The following PRR16 variants were observed in gnomAD, a reference collection of about 807,000 sequenced individuals.
PRR16 encodes protein Largen.
In PRR16, 6 loss-of-function variants were observed where a neutral mutation model predicts 18.2. The ratio of observed to expected loss-of-function variants is 0.33; its 90% CI spans 0.18 to 0.65. The LOEUF (loss-of-function observed/expected upper bound fraction) is 0.65, where lower values mean the gene tolerates loss of function less well. Ranked by LOEUF, PRR16 falls within the 30% of genes least tolerant of loss-of-function variation. The pLI is 0.74. For synonymous variants in PRR16, 151 were observed against 147.8 expected (o/e 1.02, Z -0.16); for missense variants, 412 against 376.6 (o/e 1.09, Z -0.78).
At chr5:120,688,002 G>C (rs556840294), downstream of PRR16, among the ~76,000 whole-genome samples, 1 of 152,330 alleles carries the variant, frequency 6.6e-6, no homozygotes, top group South Asian at 2.1e-4. Flanking sequence ...TTAGTGGTAA[G>C]AGTAGAGGGA....
At chr5:120,603,802 CT>C (rs530346349) in intron 1 of PRR16, among the ~76,000 whole-genome samples, 2 of 151,746 alleles carry the variant, frequency 1.3e-5, no homozygotes, top group Non-Finnish European at 2.9e-5. Context: ...GTCTTAATTA[CT>C]TTTTTTCACA....
chr5:120,767,649 A>G, the PRR16 span, among the ~76,000 whole-genome samples: 1 of 151,908 alleles, frequency 6.6e-6, no homozygotes, highest in South Asian at 2.1e-4. Flanking sequence ...ATTTCACAAC[A>G]GCCAAATCAC....
intron 1 of PRR16, among the ~76,000 whole-genome samples, chr5:120,567,920 C>G (rs1295132327): frequency 1.3e-5 from 2 of 152,032 alleles, no homozygotes; most frequent in African/African-American, 4.8e-5. Context: ...TGGATCAGGC[C>G]CTCTCTTACC....
the PRR16 span, among the ~76,000 whole-genome samples, chr5:120,767,710 G>A: frequency 6.6e-6 from 1 of 151,776 alleles, no homozygotes; most frequent in Non-Finnish European, 1.5e-5. Flanking sequence ...GGAAGAAATT[G>A]CCTATTAAAA....
At position 120,686,733 on chromosome 5, in the gene PRR16, T is replaced by G; in HGVS notation, c.*24T>G. On this transcript the variant is annotated 3_prime_UTR_variant, in exon 2 of 2. Transcript: ENST00000407149. ...GATGTATGCCATTAAAAAAATTGTT[T>G]TTTTAATTTTCTATATTATAAACAT... is the stretch of plus-strand genomic sequence containing the variant. 1 of 1,425,364 alleles carries G rather than the reference T, an allele frequency of 7.0e-7. No individual in the cohort carries two copies. Among genetic ancestry groups the G allele is most frequent in the Non-Finnish European group, 9.2e-7 (1 of 1,081,270 alleles). 88.3% of individuals were successfully genotyped at this position (1,425,364 alleles called of 1,614,324 possible). A position where few individuals can be genotyped will look rare whatever the true frequency, so the allele number is the denominator to read the frequency against.
At chr5:120,658,670 C>T (rs979457802) in intron 1 of PRR16, among the ~76,000 whole-genome samples, 1 of 151,748 alleles carries the variant, frequency 6.6e-6, no homozygotes, top group Non-Finnish European at 1.5e-5. Flanking sequence ...TATGGAACTC[C>T]AAGACATAAA....
At chr5:120,705,304 A>G in the PRR16 span, among the ~76,000 whole-genome samples, 2 of 152,122 alleles carry the variant, frequency 1.3e-5, no homozygotes, top group Non-Finnish European at 1.5e-5. Context: ...ATCCAATAAA[A>G]TATCCCAACA....
At chr5:120,564,386 C>T (rs1279162830) in intron 1 of PRR16, among the ~76,000 whole-genome samples, 2 of 152,106 alleles carry the variant, frequency 1.3e-5, no homozygotes, top group Non-Finnish European at 2.9e-5. Context: ...CCCCAGAACA[C>T]TCTGGCCTGT....
At chr5:120,690,891 A>T (rs1757201315), downstream of PRR16, among the ~76,000 whole-genome samples, 1 of 152,166 alleles carries the variant, frequency 6.6e-6, no homozygotes, top group Non-Finnish European at 1.5e-5. Context: ...GAAGTGTAAC[A>T]TAAAGAAGCT....
In PRR16 at chr5:120,530,285, T is replaced by TATATATATATA. The variant is rs375750842; in HGVS notation, c.159+65640_159+65641insATATATATATA. Among the ~76,000 whole-genome samples the TATATATATATA allele has an allele frequency of 9.1e-3, 764 of 83,678 alleles. 2 individuals carry two copies. Among genetic ancestry groups the TATATATATATA allele is most frequent in the African/African-American group, 0.012 (236 of 19,116 alleles). The allele number at this position is 83,678 out of a possible 152,430, so 54.9% of individuals were successfully genotyped here. A position where few individuals can be genotyped will look rare whatever the true frequency, so the allele number is the denominator to read the frequency against. On this transcript the variant is annotated intron_variant, in intron 1 of 1. Coordinates refer to ENST00000407149, the MANE Select transcript of PRR16 (RefSeq NM_001300783.2). ...TATATATATATATATATATATATAT[T>TATATATATATA]TATTTATTTATTTATTTATTTATTT...
chr5:120,689,019 ATAAC>A (rs1474020110), downstream of PRR16, among the ~76,000 whole-genome samples: 8 of 152,292 alleles, frequency 5.3e-5, no homozygotes, highest in East Asian at 1.9e-4. Flanking sequence ...CAACACATAA[ATAAC>A]TAACTAACTA....
intron 1 of PRR16, among the ~76,000 whole-genome samples, chr5:120,676,927 T>C (rs947364483): frequency 3.9e-5 from 6 of 152,196 alleles, no homozygotes; most frequent in Non-Finnish European, 7.3e-5. Flanking sequence ...AAGGTTTGTA[T>C]AGATTCTTCT....
intron 1 of PRR16, among the ~76,000 whole-genome samples, chr5:120,667,066 T>G (rs1756406143): frequency 6.6e-6 from 1 of 151,994 alleles, no homozygotes; most frequent in Admixed American, 6.6e-5. Flanking sequence ...CTGGTAGAAT[T>G]CGGCTGTGAA....
intron 1 of PRR16, among the ~76,000 whole-genome samples, chr5:120,487,980 G>C (rs1411731076): frequency 6.6e-6 from 1 of 152,180 alleles, no homozygotes; most frequent in Non-Finnish European, 1.5e-5. Context: ...AACCAGCCTT[G>C]CATCCCAGGG....
chr5:120,497,753 A>G (rs894730540), intron 1 of PRR16, among the ~76,000 whole-genome samples: 1 of 151,906 alleles, frequency 6.6e-6, no homozygotes, highest in Non-Finnish European at 1.5e-5. Flanking sequence ...TAATGATAAC[A>G]TAGACAACAT....
chr5:120,755,642 C>T, the PRR16 span, among the ~76,000 whole-genome samples: 3 of 151,934 alleles, frequency 2.0e-5, no homozygotes, highest in Non-Finnish European at 4.4e-5. Flanking sequence ...TCGAGGACCA[C>T]CTAGGTTGAT....
intron 1 of PRR16, among the ~76,000 whole-genome samples, chr5:120,636,326 A>T (rs1755226377): frequency 6.6e-6 from 1 of 152,130 alleles, no homozygotes; most frequent in Admixed American, 6.6e-5. Flanking sequence ...CCAAAGCAAG[A>T]CTAAGAAAAA....
At chr5:120,621,990 G>A (rs549121947) in intron 1 of PRR16, among the ~76,000 whole-genome samples, 48 of 152,230 alleles carry the variant, frequency 3.2e-4, no homozygotes, top group African/African-American at 1.1e-3. Flanking sequence ...TTTTTCAGAG[G>A]TGTCTTTGCT....
the PRR16 span, among the ~76,000 whole-genome samples, chr5:120,778,940 GGAAAT>G: frequency 3.3e-5 from 5 of 152,056 alleles, no homozygotes; most frequent in South Asian, 4.1e-4. Flanking sequence ...AATTAAAAAT[GGAAAT>G]GAAATGGTTT....
Sources: gnomAD v4.1 joint callset for allele counts (sites outside exome capture counted in the v4.1 genomes callset) on GRCh38, gnomAD v4.1.1 for gene constraint, MANE v1.5 for transcripts, NCBI Gene and HGNC (gene_info 2026-07-23, HGNC 2026-07-21) for gene names.